The following STIP1 variants were observed in gnomAD, a reference collection of about 807,000 sequenced individuals.
STIP1 encodes stress-induced-phosphoprotein 1.
In STIP1, 16 loss-of-function variants were observed where a neutral mutation model predicts 77.4. The observed-to-expected ratio is 0.21, with a 90% CI of 0.14 to 0.31. STIP1 has a LOEUF of 0.31. STIP1 is among the 10% of genes least tolerant of loss of function. The pLI, the probability that STIP1 is intolerant of heterozygous loss-of-function variation, is 1.00. For synonymous variants in STIP1, 258 were observed against 246.6 expected, an observed-to-expected ratio of 1.05 and a Z score of -0.44; for missense variants, 524 against 684.8, an observed-to-expected ratio of 0.77 and a Z score of 2.62.
intron 2 of STIP1, chr11:64,193,586 C>T (rs1946115912): frequency 7.5e-6 from 3 of 399,434 alleles, no homozygotes; most frequent in South Asian, 4.7e-5. Context: ...GAGTTCAAGA[C>T]CAGCCTGGCC....
At chr11:64,200,482 T>A (rs1946205474) in intron 10 of STIP1, among the ~76,000 whole-genome samples, 189 bp downstream of exon 10, 1 of 152,064 alleles carries the variant, frequency 6.6e-6, no homozygotes, top group African/African-American at 2.4e-5. Flanking sequence ...GCTACATTTT[T>A]TATTTTTTTT....
intron 2 of STIP1, among the ~76,000 whole-genome samples, chr11:64,193,784 T>G (rs1373375720): frequency 6.6e-6 from 1 of 151,034 alleles, no homozygotes; most frequent in Non-Finnish European, 1.5e-5. Flanking sequence ...AGACCCTGTC[T>G]CAAAAAAAAA....
upstream of STIP1, chr11:64,186,119 A>G: frequency 6.4e-7 from 1 of 1,550,728 alleles, no homozygotes; most frequent in South Asian, 1.2e-5. Context: ...TTCCCCCTAG[A>G]AGAACTCGAC....
intron 10 of STIP1, among the ~76,000 whole-genome samples, chr11:64,200,561 G>A (rs1044399902): frequency 2.6e-5 from 4 of 151,368 alleles, no homozygotes; most frequent in African/African-American, 9.7e-5. Flanking sequence ...GTGTGCGTGT[G>A]TAAAATATGG....
chr11:64,186,037 C>A (rs1462756670), upstream of STIP1: 1 of 1,545,290 alleles, frequency 6.5e-7, no homozygotes, highest in South Asian at 1.2e-5. Flanking sequence ...GGGAATTACT[C>A]CCCGCTGTCC....
intron 10 of STIP1, among the ~76,000 whole-genome samples, chr11:64,200,929 G>T (rs1200749796): frequency 6.6e-6 from 1 of 150,664 alleles, no homozygotes; most frequent in Non-Finnish European, 1.5e-5. Context: ...GTTTTACCAT[G>T]TTGGCCAGGC....
upstream of STIP1, chr11:64,185,930 G>A: frequency 1.3e-6 from 2 of 1,536,488 alleles, no homozygotes; most frequent in Non-Finnish European, 1.7e-6. Flanking sequence ...ACCAATCCGT[G>A]TCGCAGAAGT....
At position 64,194,338 on chromosome 11, in the gene STIP1, C is replaced by G. The variant is rs767019938; in HGVS notation, c.361+8C>G. The stretch of plus-strand genomic sequence containing the variant: ...TGGAGGCCAGGTTGGCAGGTAGGTA[C>G]CACGCACAGTTTTCTTTCTTATTAT... On this transcript the variant is annotated splice_region_variant and intron_variant, in intron 3 of 13. Transcript: ENST00000305218. 6.2e-7 allele frequency: 1 copy of G among 1,612,648 alleles called. No homozygotes were observed. Among genetic ancestry groups the G allele is most frequent in the South Asian group, 1.1e-5 (1 of 90,678 alleles).
chr11:64,186,332 GC>G, intron 1 of STIP1, 62 bp downstream of exon 1: 1 of 1,360,308 alleles, frequency 7.4e-7, no homozygotes, highest in African/African-American at 1.5e-5. Flanking sequence ...TGGCCAGGCC[GC>G]GGTAGGGGGG....
Position 64,194,303 on chromosome 11 carries a change from T to C in STIP1, c.334T>C (p.Leu112=), listed in dbSNP as rs1231920171. Reference sequence around the variant, plus strand: ...AAATAACCCTCAACTGAAAGAGGGTTTACAGAATATGGAGGCCAGGTTGGC... The same window carrying C: ...AAATAACCCTCAACTGAAAGAGGGTCTACAGAATATGGAGGCCAGGTTGGC... The part of the protein sequence containing the change: ...EANNPQLKEG[L]QNMEARLAER... Residue 112 remains leucine, a synonymous_variant, in exon 3 of 14, where the codon TTA becomes CTA. Transcript: ENST00000305218. 6.2e-7 allele frequency: 1 copy of C among 1,613,994 alleles called. No homozygotes were observed. The highest frequency in any genetic ancestry group is 8.5e-7 in the Non-Finnish European group (1 of 1,180,036).
chr11:64,201,695 T>C (rs533870620), intron 10 of STIP1, among the ~76,000 whole-genome samples: 1 of 152,142 alleles, frequency 6.6e-6, no homozygotes, highest in Non-Finnish European at 1.5e-5. Context: ...TTTCTACTAG[T>C]AGGATTGTGC....
chr11:64,203,740 TC>T (rs1946248281), intron 13 of STIP1, 118 bp downstream of exon 13: 18 of 1,379,572 alleles, frequency 1.3e-5, no homozygotes, highest in Non-Finnish European at 1.7e-5. Context: ...CTGTCATTCT[TC>T]CTAAACTTAA....
chr11:64,202,599 C>G (rs1946231273), intron 10 of STIP1: 1 of 458,060 alleles, frequency 2.2e-6, no homozygotes, highest in African/African-American at 2.0e-5. Flanking sequence ...CTCTCAGGAC[C>G]AAGGCCCACG....
chr11:64,199,630 T>G (rs1244192235), intron 8 of STIP1, among the ~76,000 whole-genome samples: 2 of 146,890 alleles, frequency 1.4e-5, no homozygotes, highest in South Asian at 4.5e-4. Flanking sequence ...TGGCGCGATC[T>G]CGGCTCACTG....
chr11:64,186,242 G>A lies in STIP1; in HGVS notation c.-20G>A, dbSNP rs764224952. On this transcript the variant is annotated 5_prime_UTR_variant, in exon 1 of 14. Transcript: ENST00000305218. ...GAGCGGACGGATTCGATTCAACGGG[G>A]TTCCGGACCGCGCTGCGCTATGGAG... 6.5e-7 allele frequency: 1 copy of A among 1,548,590 alleles called. No homozygotes were observed. The highest frequency in any genetic ancestry group is 8.7e-7 in the Non-Finnish European group (1 of 1,145,954).
In STIP1 at chr11:64,191,996, G is replaced by A. The variant is rs574228433; in HGVS notation, c.10-1082G>A. ...ACTTCCCAGTCGGTGGGGCGGCCAG[G>A]CAGAGCTGCCTCACTTTTTAAAACT... is the stretch of plus-strand genomic sequence containing the variant. On this transcript the variant is annotated intron_variant, in intron 1 of 13. Coordinates refer to ENST00000305218, the MANE Select transcript of STIP1 (RefSeq NM_006819.3). 9.9e-4 allele frequency among the ~76,000 whole-genome samples: 150 copies of A among 152,002 alleles called. No individual in the cohort carries two copies. The Middle Eastern group carries it at 0.01, about 10-fold the overall frequency.
At chr11:64,185,573 G>C (rs1946000099), upstream of STIP1, 1 of 548,934 alleles carries the variant, frequency 1.8e-6, no homozygotes, top group Non-Finnish European at 3.2e-6. Context: ...GAAGGGCTGG[G>C]GCCCTGTGCC....
At position 64,193,116 on chromosome 11, in the gene STIP1, C is replaced by T. The variant is rs771732528; in HGVS notation, c.48C>T (p.Ser16=). 19 of 1,614,046 alleles carry T rather than the reference C, an allele frequency of 1.2e-5. No homozygotes were observed. Among genetic ancestry groups the T allele is most frequent in the East Asian group, 4.5e-5 (2 of 44,890 alleles). Residue 16 remains serine, a synonymous_variant, in exon 2 of 14, where the codon AGC becomes AGT. Transcript: ENST00000305218. The part of the protein sequence containing the change: ...ELKEKGNKAL[S]VGNIDDALQC... ...AGGAGAAAGGCAACAAGGCCCTGAG[C>T]GTGGGTAACATCGATGATGCCTTAC... is the stretch of plus-strand genomic sequence containing the variant.
rs1946197547 is a variant in STIP1 at position 64,199,924 on chromosome 11, G to T, written c.1024-16G>T. 2.5e-6 allele frequency: 4 copies of T among 1,613,708 alleles called. No individual in the cohort carries two copies. The highest frequency in any genetic ancestry group is 3.4e-6 in the Non-Finnish European group (4 of 1,179,840). On this transcript the variant is annotated splice_polypyrimidine_tract_variant and intron_variant, in intron 8 of 13. Transcript: ENST00000305218. ...ATGAGCGTTTAAATTATTATTTCAA[G>T]AATTATGTTTTGTAGGCAGAGAAAA...
Sources: gnomAD v4.1 joint callset for allele counts (sites outside exome capture counted in the v4.1 genomes callset) on GRCh38, gnomAD v4.1.1 for gene constraint, MANE v1.5 for transcripts, NCBI Gene and HGNC (gene_info 2026-07-23, HGNC 2026-07-21) for gene names.